MAP2: variants seen among roughly 807,000 people sequenced by gnomAD.
MAP2 encodes microtubule associated protein 2.
MAP2 carries 14 observed loss-of-function variants against 137.6 expected under a neutral mutation model. The observed-to-expected ratio is 0.10, with a 90% CI of 0.07 to 0.16. MAP2 has a LOEUF of 0.16. MAP2 is among the 10% of genes least tolerant of loss of function. The pLI, the probability that MAP2 is intolerant of heterozygous loss-of-function variation, is 1.00. For missense variants in MAP2, 2,088 were observed against 2,191.5 expected (o/e 0.95, Z 0.94); for synonymous variants, 786 against 782.3 (o/e 1.00, Z -0.08).
intron 2 of MAP2, among the ~76,000 whole-genome samples, chr2:209,562,741 C>T (rs898635619): frequency 3.3e-5 from 5 of 151,962 alleles, no homozygotes; most frequent in African/African-American, 9.7e-5. Flanking sequence ...AGTGAAGCAC[C>T]AGAAAAACTG....
chr2:209,720,970 A>G (rs1031836968), intron 13 of MAP2, among the ~76,000 whole-genome samples: 1 of 152,088 alleles, frequency 6.6e-6, no homozygotes, highest in Non-Finnish European at 1.5e-5. Flanking sequence ...CTGATCTGGA[A>G]TATGGCCTTC....
chr2:209,689,981 T>TG (rs2058366644), intron 7 of MAP2, among the ~76,000 whole-genome samples: 1 of 152,240 alleles, frequency 6.6e-6, no homozygotes, highest in Admixed American at 6.5e-5. Flanking sequence ...ACCTTGGAAA[T>TG]GCTAAATAAA....
At chr2:209,534,308 A>T (rs780579749) in intron 2 of MAP2, among the ~76,000 whole-genome samples, 2 of 152,194 alleles carry the variant, frequency 1.3e-5, no homozygotes, top group Non-Finnish European at 2.9e-5. Context: ...AGTTAAGAGA[A>T]GTTGATGGTT....
At chr2:209,648,769 A>C (rs1343088798) in intron 4 of MAP2, among the ~76,000 whole-genome samples, 1 of 147,910 alleles carries the variant, frequency 6.8e-6, no homozygotes, top group Non-Finnish European at 1.5e-5. Context: ...AGCCTGGGTG[A>C]CGGAGCAAGA....
chr2:209,680,112 A>G (rs2053892454), intron 6 of MAP2, among the ~76,000 whole-genome samples: 1 of 152,132 alleles, frequency 6.6e-6, no homozygotes, highest in African/African-American at 2.4e-5. Context: ...GTTCCTTTTC[A>G]TGTGTATTGA....
chr2:209,656,313 C>A (rs144576848), intron 5 of MAP2, among the ~76,000 whole-genome samples: 1 of 151,898 alleles, frequency 6.6e-6, no homozygotes, highest in African/African-American at 2.4e-5. Context: ...CCCAGGAATT[C>A]GAGACCAGTC....
intron 4 of MAP2, among the ~76,000 whole-genome samples, chr2:209,634,291 T>C (rs2093363948): frequency 6.6e-6 from 1 of 152,206 alleles, no homozygotes; most frequent in Non-Finnish European, 1.5e-5. Flanking sequence ...TATACTTTTC[T>C]TCAAACCAAA....
At chr2:209,444,530 C>T (rs35321790) in intron 1 of MAP2, among the ~76,000 whole-genome samples, 20,341 of 151,244 alleles carry the variant, frequency 0.13, 3,355 homozygotes, top group African/African-American at 0.39. Flanking sequence ...AAATTAGAAC[C>T]TGGGCTGGGC....
At chr2:209,610,195 CA>C (rs1242715159) in intron 3 of MAP2, among the ~76,000 whole-genome samples, 1 of 151,872 alleles carries the variant, frequency 6.6e-6, no homozygotes, top group Non-Finnish European at 1.5e-5. Flanking sequence ...GCATTCCAAG[CA>C]GAGCAAGAGC....
At chr2:209,499,459 C>T (rs2060128082) in intron 1 of MAP2, among the ~76,000 whole-genome samples, 1 of 152,188 alleles carries the variant, frequency 6.6e-6, no homozygotes, top group Admixed American at 6.5e-5. Context: ...GCCATCCAGA[C>T]TCTTCCAACC....
At chr2:209,678,787 C>T (rs1356170428) in intron 6 of MAP2, 102 bp downstream of exon 6, 23 of 551,594 alleles carry the variant, frequency 4.2e-5, no homozygotes, top group Middle Eastern at 2.8e-4. Context: ...GTACTTCATC[C>T]TTACATGTAA....
intron 2 of MAP2, among the ~76,000 whole-genome samples, chr2:209,549,067 A>C (rs2068649768): frequency 6.6e-6 from 1 of 152,214 alleles, no homozygotes; most frequent in African/African-American, 2.4e-5. Context: ...TATAGTCACA[A>C]GATAGCTGCT....
rs754195258 is a variant in MAP2, at chr2:209,695,862, A to G, written c.3692A>G (p.Glu1231Gly). The change falls in exon 8 of 16, where the codon GAG (glutamate) becomes GGG (glycine). Residue 1231 changes from glutamate to glycine, a missense_variant. Coordinates refer to ENST00000682079, the MANE Select transcript of MAP2 (RefSeq NM_001375505.1). ...LHETIVSEPAEIQSEEEEIEA... is the reference protein window; with the variant it reads ...LHETIVSEPAGIQSEEEEIEA... ...GAAACGATCGTATCTGAACCAGCAG[A>G]GATTCAGAGTGAGGAAGAAGAGATA... 6 of 1,614,120 alleles carry G rather than the reference A, an allele frequency of 3.7e-6. No homozygotes were observed. In the South Asian group the frequency reaches 6.6e-5, roughly 18 times the overall value.
At chr2:209,493,667 C>G (rs9798099) in intron 1 of MAP2, among the ~76,000 whole-genome samples, 33,642 of 152,096 alleles carry the variant, frequency 0.22, 4,167 homozygotes, top group East Asian at 0.38. Context: ...ATGTGGCCAA[C>G]AAACATATGA....
intron 4 of MAP2, among the ~76,000 whole-genome samples, chr2:209,644,670 CAAAA>C (rs68166330): frequency 4.4e-5 from 3 of 68,576 alleles, no homozygotes; most frequent in Non-Finnish European, 3.5e-5. Context: ...GACCCTGTCT[CAAAA>C]AAAAAAAAAA....
intron 1 of MAP2, among the ~76,000 whole-genome samples, chr2:209,470,153 G>A (rs1010060916): frequency 2.0e-5 from 3 of 152,038 alleles, no homozygotes; most frequent in South Asian, 2.1e-4. Context: ...AATTAGTATA[G>A]CATGTTTGAA....
At chr2:209,468,021 C>A (rs1024177312) in intron 1 of MAP2, among the ~76,000 whole-genome samples, 1 of 152,082 alleles carries the variant, frequency 6.6e-6, no homozygotes, top group Non-Finnish European at 1.5e-5. Context: ...TCACATTTTA[C>A]GTCATATTAT....
At chr2:209,506,952 C>G (rs968714377) in intron 1 of MAP2, among the ~76,000 whole-genome samples, 1 of 152,150 alleles carries the variant, frequency 6.6e-6, no homozygotes, top group Non-Finnish European at 1.5e-5. Flanking sequence ...AAGGCAGCAG[C>G]AGATTGGTTT....
chr2:209,656,119 G>A (rs1256626204), intron 5 of MAP2, among the ~76,000 whole-genome samples: 2 of 151,852 alleles, frequency 1.3e-5, no homozygotes, highest in African/African-American at 4.8e-5. Context: ...TCTTTATTAT[G>A]GGCAATAATA....
Sources: allele counts gnomAD v4.1 joint callset (sites outside exome capture counted in the v4.1 genomes callset), GRCh38; gene constraint gnomAD v4.1.1; transcripts MANE v1.5; gene names NCBI Gene and HGNC (gene_info 2026-07-23, HGNC 2026-07-21).